The following PALD1 variants were observed in gnomAD, a reference collection of about 807,000 sequenced individuals.
PALD1 encodes the protein phosphatase domain containing paladin 1.
Under a neutral mutation model 96.0 loss-of-function variants are expected in PALD1, and 57 were observed. That is an observed-to-expected ratio of 0.59 (90% confidence interval 0.48 to 0.74). The LOEUF (loss-of-function observed/expected upper bound fraction) is 0.74, where lower values mean the gene tolerates loss of function less well. Among genes scored for constraint, PALD1 ranks in the 30% least tolerant of loss-of-function variants. The pLI is 0.00. For missense variants in PALD1, 1,063 were observed against 1,143.7 expected, an observed-to-expected ratio of 0.93 and a Z score of 1.02; for synonymous variants, 464 against 473.6, an observed-to-expected ratio of 0.98 and a Z score of 0.26.
the PALD1 span, among the ~76,000 whole-genome samples, chr10:70,462,381 A>G: frequency 1.3e-5 from 2 of 152,380 alleles, no homozygotes; most frequent in African/African-American, 4.8e-5. Context: ...TGGGAATACT[A>G]CGTGCCTCAT....
chr10:70,547,463 C>T lies in PALD1; in HGVS notation c.2262+17C>T. On this transcript the variant is annotated intron_variant, in intron 18 of 19. Coordinates refer to ENST00000263563, the MANE Select transcript of PALD1 (RefSeq NM_014431.3). ...TACCGCCAGGTGAGCCCCCACCCCA[C>T]CCCACCCCACCCTGCCCCAGCCACC... 1 of 1,504,730 alleles carries T rather than the reference C, an allele frequency of 6.6e-7. No homozygotes were observed. Among genetic ancestry groups the T allele is most frequent in the Non-Finnish European group, 9.0e-7 (1 of 1,112,854 alleles). 93.2% of individuals were successfully genotyped at this position (1,504,730 alleles called of 1,614,324 possible).
intron 10 of PALD1, among the ~76,000 whole-genome samples, chr10:70,535,613 CCTTCTCCTCCTT>C (rs1847098438): frequency 6.9e-6 from 1 of 144,994 alleles, no homozygotes; most frequent in Admixed American, 6.8e-5. Flanking sequence ...TCCTCTTCCT[CCTTCTCCTCCTT>C]CTTCTCGTCT....
At chr10:70,505,699 TTGTC>T (rs1414673905) in intron 1 of PALD1, among the ~76,000 whole-genome samples, 1 of 151,996 alleles carries the variant, frequency 6.6e-6, no homozygotes, top group African/African-American at 2.4e-5. Flanking sequence ...AACCCACTGT[TTGTC>T]TGTTGGTCAT....
At chr10:70,511,722 A>G (rs1264623777) in intron 1 of PALD1, among the ~76,000 whole-genome samples, 4 of 152,164 alleles carry the variant, frequency 2.6e-5, no homozygotes, top group African/African-American at 4.8e-5. Flanking sequence ...TCACTCCCCA[A>G]ATCCCAATTT....
intron 1 of PALD1, among the ~76,000 whole-genome samples, chr10:70,515,913 G>T (rs1001351910): frequency 3.3e-5 from 5 of 152,152 alleles, no homozygotes; most frequent in African/African-American, 1.2e-4. Context: ...ACTCCTGCAA[G>T]CCCTCGCTTT....
intron 18 of PALD1, among the ~76,000 whole-genome samples, chr10:70,559,321 A>C (rs1847684646): frequency 6.6e-6 from 1 of 152,078 alleles, no homozygotes; most frequent in Non-Finnish European, 1.5e-5. Flanking sequence ...TTTGAGGAGC[A>C]GAGCTAGGGA....
intron 1 of PALD1, among the ~76,000 whole-genome samples, chr10:70,504,982 G>A (rs10823555): frequency 0.16 from 23,877 of 152,198 alleles, 2,312 homozygotes; most frequent in Admixed American, 0.23. Flanking sequence ...GTTGCAGTGC[G>A]AATGGCTCCG....
At chr10:70,543,723 T>C (rs983782722) in intron 17 of PALD1, among the ~76,000 whole-genome samples, 3 of 152,158 alleles carry the variant, frequency 2.0e-5, no homozygotes, top group African/African-American at 7.2e-5. Context: ...CAGCTGAGTT[T>C]AGTCTTTGCA....
At chr10:70,509,294 C>T (rs1441747928) in intron 1 of PALD1, among the ~76,000 whole-genome samples, 3 of 152,194 alleles carry the variant, frequency 2.0e-5, no homozygotes, top group African/African-American at 4.8e-5. Context: ...GCTGCGGAAA[C>T]GGAGGCTGGG....
At chr10:70,553,268 T>C (rs905036670) in intron 18 of PALD1, among the ~76,000 whole-genome samples, 4 of 152,188 alleles carry the variant, frequency 2.6e-5, no homozygotes, top group African/African-American at 9.6e-5. Context: ...GTTTGCTGTT[T>C]CCTTTGATTT....
chr10:70,561,222 C>T (rs537567459), intron 18 of PALD1, among the ~76,000 whole-genome samples: 12 of 152,256 alleles, frequency 7.9e-5, no homozygotes, highest in African/African-American at 7.2e-5. Context: ...GGGAGAGGAT[C>T]GTGCTGGTGC....
At chr10:70,531,182 G>A (rs1846981316) in intron 4 of PALD1, 108 bp from the exon 5 acceptor site, 1 of 873,146 alleles carries the variant, frequency 1.1e-6, no homozygotes, top group Non-Finnish European at 1.8e-6. Context: ...ATGGTGTGGG[G>A]TGCAGGAGGA....
Position 70,538,933 on chromosome 10 carries a change from CAGAG to C in PALD1, c.1498_1501del (p.Glu500TrpfsTer32). On this transcript the variant is annotated frameshift_variant, in exon 13 of 20. Transcript: ENST00000263563. LOFTEE classifies it high-confidence loss of function. Reference sequence around the variant, plus strand: ...TCTCCCCGGACGCGCTCAGCACTGTCAGAGAGATGGATGTGGCCAACTTCCGGCG... The same window carrying C: ...TCTCCCCGGACGCGCTCAGCACTGTCAGATGGATGTGGCCAACTTCCGGCG... 1 of 1,613,820 alleles carries C rather than the reference CAGAG, an allele frequency of 6.2e-7. No individual in the cohort carries two copies. Among genetic ancestry groups the C allele is most frequent in the Non-Finnish European group, 8.5e-7 (1 of 1,179,992 alleles).
intron 1 of PALD1, among the ~76,000 whole-genome samples, chr10:70,480,067 TC>T (rs1228760569): frequency 1.3e-5 from 2 of 152,358 alleles, no homozygotes; most frequent in African/African-American, 4.8e-5. Flanking sequence ...GAGATCCAGT[TC>T]CATGCAAGCA....
At chr10:70,550,140 C>A (rs1339084148) in intron 18 of PALD1, among the ~76,000 whole-genome samples, 1 of 152,230 alleles carries the variant, frequency 6.6e-6, no homozygotes. Flanking sequence ...GGCTTGCACC[C>A]CACATGTCCA....
chr10:70,509,295 G>A lies in PALD1; in HGVS notation c.-29-16628G>A, dbSNP rs538498768. 5.9e-5 allele frequency among the ~76,000 whole-genome samples: 9 copies of A among 152,336 alleles called. No homozygotes were observed. In the East Asian group the frequency reaches 1.3e-3, roughly 23 times the overall value. ...TGCAGGAAGAGCCAGCTGCGGAAACGGAGGCTGGGCTCTGTCTTGTACTGT... is the reference window on the plus strand; with the variant it reads ...TGCAGGAAGAGCCAGCTGCGGAAACAGAGGCTGGGCTCTGTCTTGTACTGT... On this transcript the variant is annotated intron_variant, in intron 1 of 19. Transcript: ENST00000263563.
chr10:70,542,625 C>A (rs1450809775), intron 17 of PALD1, among the ~76,000 whole-genome samples: 1 of 152,212 alleles, frequency 6.6e-6, no homozygotes, highest in Non-Finnish European at 1.5e-5. Context: ...CTTTTAGAGG[C>A]TGAATAATAT....
intron 1 of PALD1, among the ~76,000 whole-genome samples, chr10:70,514,481 T>A (rs2132325228): frequency 6.6e-6 from 1 of 152,288 alleles, no homozygotes; most frequent in Admixed American, 6.5e-5. Flanking sequence ...AACATTTAGA[T>A]TGGACTCTTC....
chr10:70,529,008 A>G (rs1454763896), intron 2 of PALD1, among the ~76,000 whole-genome samples: 4 of 152,104 alleles, frequency 2.6e-5, no homozygotes, highest in Non-Finnish European at 5.9e-5. Flanking sequence ...GAGGCTGGGA[A>G]ATGTAGTCTT....
Sources: allele counts gnomAD v4.1 joint callset (sites outside exome capture counted in the v4.1 genomes callset), GRCh38; gene constraint gnomAD v4.1.1; transcripts MANE v1.5; gene names NCBI Gene and HGNC (gene_info 2026-07-23, HGNC 2026-07-21).